The following TTBK2 variants were observed in gnomAD, a reference collection of about 807,000 sequenced individuals.
TTBK2 encodes the protein tau tubulin kinase 2, also known as tau-tubulin kinase 2.
TTBK2 carries 28 observed loss-of-function variants against 110.8 expected under a neutral mutation model. The ratio of observed to expected loss-of-function variants is 0.25; its 90% CI spans 0.19 to 0.35. The LOEUF is 0.35. Among genes scored for constraint, TTBK2 ranks in the 10% least tolerant of loss-of-function variants. The pLI is 1.00. For synonymous variants in TTBK2, 532 were observed against 527.3 expected (o/e 1.01, Z -0.12); for missense variants, 1,369 against 1,500.3 (o/e 0.91, Z 1.45).
At chr15:42,912,150 A>G (rs1056311393) in intron 1 of TTBK2, among the ~76,000 whole-genome samples, 4 of 152,208 alleles carry the variant, frequency 2.6e-5, no homozygotes, top group Non-Finnish European at 4.4e-5. Flanking sequence ...CTGAAAGGTA[A>G]ACTGAGTTCA....
chr15:42,794,681 G>C lies in TTBK2; in HGVS notation c.943C>G (p.Pro315Ala), dbSNP rs374162160. ...SLTTTTTSTT[P>A]QLHTRLTPAA... is the part of the protein sequence containing the mutation. ...GGGGTCAAGCGAGTGTGCAACTGAG[G>C]GGTGGTAGAAGTAGTGGTGGTTGTT... is the stretch of plus-strand genomic sequence containing the variant. The change falls in exon 10 of 15, where the codon CCT (proline) becomes GCT (alanine). Residue 315 changes from proline to alanine, a missense_variant. By Grantham distance (27) the Pro-to-Ala change is conservative (BLOSUM62 -1). Around this residue, in one of 4 missense-constraint regions of TTBK2, gnomAD observed 1,097 missense variants for 1,114.7 expected, o/e 0.98. Coordinates refer to ENST00000267890, the MANE Select transcript of TTBK2 (RefSeq NM_173500.4). 1.2e-6 allele frequency: 2 copies of C among 1,613,984 alleles called. No homozygotes were observed. Among genetic ancestry groups the C allele is most frequent in the African/African-American group, 1.3e-5 (1 of 74,878 alleles).
At chr15:42,860,645 T>TC (rs887640537) in intron 3 of TTBK2, among the ~76,000 whole-genome samples, 3 of 147,138 alleles carry the variant, frequency 2.0e-5, no homozygotes, top group Admixed American at 6.7e-5. Flanking sequence ...TCTTTCTTTT[T>TC]TTTTTTTTTT....
In TTBK2 at chr15:42,845,633, CAAAAAAAAAAAA is replaced by C. The variant is rs894783459; in HGVS notation, c.218-5212_218-5201del. ...TGGGCGACAGAGCAAGGCTGCATCT[CAAAAAAAAAAAA>C]AAAAAAAAAAAAAAAAAGATGGGGT... On this transcript the variant is annotated intron_variant, in intron 3 of 14. Coordinates refer to ENST00000267890, the MANE Select transcript of TTBK2 (RefSeq NM_173500.4). Among the ~76,000 whole-genome samples, 88 of 15,304 alleles carry C rather than the reference CAAAAAAAAAAAA, an allele frequency of 5.8e-3. 1 individual carries two copies. Among genetic ancestry groups the C allele is most frequent in the African/African-American group, 0.011 (81 of 7,476 alleles). The allele number at this position is 15,304 out of a possible 152,430, so 10.0% of individuals were successfully genotyped here.
At chr15:42,913,858 T>C (rs1459214748) in intron 1 of TTBK2, among the ~76,000 whole-genome samples, 1 of 152,164 alleles carries the variant, frequency 6.6e-6, no homozygotes, top group Non-Finnish European at 1.5e-5. Flanking sequence ...GGGTAAAATC[T>C]ACTATAACCA....
intron 9 of TTBK2, among the ~76,000 whole-genome samples, chr15:42,803,769 A>G (rs1320182278): frequency 1.3e-5 from 2 of 152,120 alleles, no homozygotes; most frequent in African/African-American, 2.4e-5. Context: ...GGTGGCTCAC[A>G]TCTGTAATCC....
At chr15:42,776,859 A>C in intron 12 of TTBK2, 172 bp downstream of exon 12, 1 of 661,852 alleles carries the variant, frequency 1.5e-6, no homozygotes, top group Admixed American at 2.9e-5. Flanking sequence ...GATAATAATA[A>C]TTAAAAACAT....
In TTBK2 at chr15:42,789,301, G is replaced by GTA. The variant is rs1890542313; in HGVS notation, c.980+5342_980+5343insTA. Among the ~76,000 whole-genome samples, 6 of 91,686 alleles carry GTA rather than the reference G, an allele frequency of 6.5e-5. No individual in the cohort carries two copies. The South Asian group carries it at 1.5e-3, about 23-fold the overall frequency. 60.1% of individuals were successfully genotyped at this position (91,686 alleles called of 152,430 possible). The stretch of plus-strand genomic sequence containing the variant: ...CTTTAAAATATATATACGTGTGTGT[G>GTA]TGTATATATATATATATGTTTTTTG... On this transcript the variant is annotated intron_variant, in intron 10 of 14. Coordinates refer to ENST00000267890, the MANE Select transcript of TTBK2 (RefSeq NM_173500.4).
At chr15:42,915,397 C>G (rs1323634334) in intron 1 of TTBK2, among the ~76,000 whole-genome samples, 2 of 152,204 alleles carry the variant, frequency 1.3e-5, no homozygotes, top group African/African-American at 2.4e-5. Context: ...CCCTAAAACA[C>G]AAGAGTAGTG....
chr15:42,831,526 C>T (rs979683259), intron 4 of TTBK2, among the ~76,000 whole-genome samples: 4 of 152,178 alleles, frequency 2.6e-5, no homozygotes, highest in African/African-American at 9.7e-5. Context: ...TGCACTGAAG[C>T]TTCACAGTAC....
At chr15:42,760,660 C>G (rs1595884084) in intron 13 of TTBK2, among the ~76,000 whole-genome samples, 1 of 151,940 alleles carries the variant, frequency 6.6e-6, no homozygotes, top group South Asian at 2.1e-4. Flanking sequence ...CCAGAAAATA[C>G]TAATGAAAGA....
chr15:42,764,131 G>A (rs73410981), intron 13 of TTBK2, among the ~76,000 whole-genome samples: 18,201 of 152,198 alleles, frequency 0.12, 2,890 homozygotes, highest in African/African-American at 0.36. Context: ...CACCTTAGGG[G>A]TTCTGTCCCA....
chr15:42,909,474 C>A (rs2030619579), intron 1 of TTBK2, among the ~76,000 whole-genome samples: 2 of 152,116 alleles, frequency 1.3e-5, no homozygotes, highest in Non-Finnish European at 2.9e-5. Flanking sequence ...TCAGACCCAC[C>A]CAGATAATCA....
At chr15:42,775,772 T>C (rs748512299) in intron 12 of TTBK2, 49 bp from the exon 13 acceptor site, 2 of 1,428,628 alleles carry the variant, frequency 1.4e-6, no homozygotes, top group East Asian at 2.3e-5. Context: ...GAAACATTTA[T>C]TATATAATAT....
chr15:42,805,616 C>T (rs1255060104), intron 9 of TTBK2, among the ~76,000 whole-genome samples: 1 of 152,132 alleles, frequency 6.6e-6, no homozygotes, highest in African/African-American at 2.4e-5. Flanking sequence ...CTCCCATTTC[C>T]CTCCATCTCT....
In TTBK2 at chr15:42,836,347, A is replaced by G. The variant is rs369368658; in HGVS notation, c.291+4013T>C. On this transcript the variant is annotated intron_variant, in intron 4 of 14. Transcript: ENST00000267890. ...AATGAATTTATGGTTTTTAGAATAA[A>G]TTAGGACTCTCTGTGGGAAGCTGAA... 3.0e-4 allele frequency among the ~76,000 whole-genome samples: 45 copies of G among 152,356 alleles called. No homozygotes were observed. In the Middle Eastern group the frequency reaches 0.01, roughly 35 times the overall value.
chr15:42,842,956 AATG>A (rs1312513878), intron 3 of TTBK2, among the ~76,000 whole-genome samples: 1 of 152,186 alleles, frequency 6.6e-6, no homozygotes, highest in Non-Finnish European at 1.5e-5. Context: ...GAAAGGATAA[AATG>A]ATGGTCATTA....
At chr15:42,816,530 C>CATT in intron 7 of TTBK2, among the ~76,000 whole-genome samples, 1 of 152,214 alleles carries the variant, frequency 6.6e-6, no homozygotes, top group East Asian at 1.9e-4. Context: ...CTATACCGTG[C>CATT]ATTAGTATTA....
intron 4 of TTBK2, among the ~76,000 whole-genome samples, chr15:42,833,811 C>T (rs1160519712): frequency 6.6e-6 from 1 of 151,978 alleles, no homozygotes; most frequent in Non-Finnish European, 1.5e-5. Flanking sequence ...ATATCGAGAC[C>T]ATCCTGGCCA....
chr15:42,865,203 C>T (rs568988210), intron 3 of TTBK2, among the ~76,000 whole-genome samples: 8 of 151,926 alleles, frequency 5.3e-5, no homozygotes, highest in Non-Finnish European at 8.8e-5. Flanking sequence ...GTACTATGGA[C>T]GGTCGAGGTG....
Sources: gnomAD v4.1 joint callset for allele counts (sites outside exome capture counted in the v4.1 genomes callset) on GRCh38, gnomAD v4.1.1 for gene constraint, gnomAD v4.1.1 regional missense constraint, MANE v1.5 for transcripts, NCBI Gene and HGNC (gene_info 2026-07-23, HGNC 2026-07-21) for gene names.